Variants in DTNA observed in about 807,000 individuals in gnomAD.
DTNA encodes the protein dystrophin-related protein 3.
DTNA carries 43 observed loss-of-function variants against 100.7 expected under a neutral mutation model. The observed-to-expected ratio is 0.43, with a 90% CI of 0.33 to 0.55. DTNA has a LOEUF of 0.55. Ranked by LOEUF, DTNA falls within the 20% of genes least tolerant of loss-of-function variation. DTNA has a pLI of 0.04. For missense variants in DTNA, 798 were observed against 953.9 expected (o/e 0.84, Z 2.15); for synonymous variants, 349 against 347.9 (o/e 1.00, Z -0.04).
At chr18:34,585,050 C>T (rs560537494) in intron 1 of DTNA, among the ~76,000 whole-genome samples, 95 of 152,218 alleles carry the variant, frequency 6.2e-4, no homozygotes, top group African/African-American at 2.2e-3. Flanking sequence ...TATTTTCAAA[C>T]ATTTAAGTTC....
intron 1 of DTNA, among the ~76,000 whole-genome samples, chr18:34,668,862 G>C (rs981874931): frequency 2.6e-5 from 4 of 152,020 alleles, no homozygotes; most frequent in African/African-American, 9.7e-5. Context: ...GGTCAATTTT[G>C]GAATAGGTGT....
At position 34,515,243 on chromosome 18, in the gene DTNA, G is replaced by A. The variant is rs1601352636; in HGVS notation, c.-2+21729G>A. Among the ~76,000 whole-genome samples the A allele has an allele frequency of 5.3e-5, 8 of 152,090 alleles. No homozygotes were observed. The South Asian group carries it at 1.5e-3, about 28-fold the overall frequency. ...CTTGTTAGATGGCAAACTCCCTTGA[G>A]TTTTCTTCCCTTGAAGAAAAAACTC... On this transcript the variant is annotated intron_variant, in intron 1 of 19. Transcript: ENST00000283365.
Position 34,749,495 on chromosome 18 carries a change from A to AT in DTNA, c.-1-6476dup, listed in dbSNP as rs144414231. On this transcript the variant is annotated intron_variant, in intron 1 of 22. Transcript: ENST00000444659. Reference sequence around the variant, plus strand: ...AGATTCAGTAGGTCCAGGTATTTGCATTTTTGATTAGGTCTCCAGGCTAGC... The same window carrying AT: ...AGATTCAGTAGGTCCAGGTATTTGCATTTTTTGATTAGGTCTCCAGGCTAGC... Among the ~76,000 whole-genome samples the AT allele has an allele frequency of 6.9e-3, 1,054 of 152,086 alleles. 11 individuals are homozygous for AT. The highest frequency in any genetic ancestry group is 0.025 in the African/African-American group (1,016 of 41,468).
chr18:34,589,058 A>G (rs2049422647), intron 1 of DTNA, among the ~76,000 whole-genome samples: 1 of 151,636 alleles, frequency 6.6e-6, no homozygotes, highest in Non-Finnish European at 1.5e-5. Context: ...GTATATTTGT[A>G]CATACAGCCC....
intron 1 of DTNA, among the ~76,000 whole-genome samples, chr18:34,702,347 G>A (rs763712868): frequency 6.6e-5 from 10 of 152,142 alleles, no homozygotes; most frequent in Non-Finnish European, 1.3e-4. Context: ...GCCAGCTCCC[G>A]AAGCTTTCCT....
chr18:34,747,228 A>G (rs1355098651), intron 1 of DTNA, among the ~76,000 whole-genome samples: 1 of 152,170 alleles, frequency 6.6e-6, no homozygotes, highest in East Asian at 1.9e-4. Flanking sequence ...GCAAAGCAGC[A>G]TAAGAATTCC....
At chr18:34,590,679 G>C (rs749971222) in intron 1 of DTNA, among the ~76,000 whole-genome samples, 28 of 152,150 alleles carry the variant, frequency 1.8e-4, no homozygotes, top group Admixed American at 3.9e-4. Flanking sequence ...ATAAATCAAG[G>C]GTATCTGATT....
intron 1 of DTNA, among the ~76,000 whole-genome samples, chr18:34,676,633 G>A (rs1013900435): frequency 1.3e-5 from 2 of 152,062 alleles, no homozygotes; most frequent in Non-Finnish European, 2.9e-5. Flanking sequence ...TCAGATGTTC[G>A]AGACCAGCCT....
chr18:34,557,672 AG>A (rs545307784), intron 1 of DTNA, among the ~76,000 whole-genome samples: 46 of 151,788 alleles, frequency 3.0e-4, no homozygotes, highest in Middle Eastern at 6.8e-3. Flanking sequence ...CCTCCCAGTT[AG>A]GCTGCTCGGG....
At chr18:34,540,561 A>G (rs2044151715) in intron 1 of DTNA, among the ~76,000 whole-genome samples, 1 of 152,014 alleles carries the variant, frequency 6.6e-6, no homozygotes, top group African/African-American at 2.4e-5. Flanking sequence ...CAACGTACAC[A>G]TTATCATAGT....
intron 1 of DTNA, among the ~76,000 whole-genome samples, chr18:34,550,212 G>C (rs1210601735): frequency 6.6e-6 from 1 of 152,082 alleles, no homozygotes; most frequent in Non-Finnish European, 1.5e-5. Flanking sequence ...ATAAACTAGA[G>C]GGTTTTAGGA....
At chr18:34,664,877 A>C (rs1040129828) in intron 1 of DTNA, among the ~76,000 whole-genome samples, 2 of 151,930 alleles carry the variant, frequency 1.3e-5, no homozygotes, top group Non-Finnish European at 2.9e-5. Context: ...AAGTTTAAAA[A>C]CCTCTGATGT....
At chr18:34,743,692 G>C (rs1403602698) in intron 1 of DTNA, among the ~76,000 whole-genome samples, 1 of 152,030 alleles carries the variant, frequency 6.6e-6, no homozygotes, top group African/African-American at 2.4e-5. Flanking sequence ...AAATATTTTT[G>C]GTACAAATAA....
chr18:34,774,024 A>G (rs946721138), intron 3 of DTNA, among the ~76,000 whole-genome samples: 1 of 152,226 alleles, frequency 6.6e-6, no homozygotes, highest in Non-Finnish European at 1.5e-5. Flanking sequence ...GATGTAACAC[A>G]CAGTGACTTC....
chr18:34,545,318 G>A (rs1430864506), intron 1 of DTNA, among the ~76,000 whole-genome samples: 1 of 152,080 alleles, frequency 6.6e-6, no homozygotes, highest in South Asian at 2.1e-4. Context: ...AGGAACCTCT[G>A]CTGGGTGTTG....
chr18:34,714,780 C>G (rs1033169423), intron 1 of DTNA, among the ~76,000 whole-genome samples: 1 of 152,090 alleles, frequency 6.6e-6, no homozygotes, highest in Admixed American at 6.5e-5. Context: ...TGGCATTATT[C>G]ACGATAGCAA....
intron 11 of DTNA, 117 bp downstream of exon 11, chr18:34,829,606 C>T: frequency 9.1e-7 from 1 of 1,096,872 alleles, no homozygotes; most frequent in South Asian, 2.1e-5. Context: ...AGATAGAGGT[C>T]TTCTGGGGTT....
chr18:34,537,527 A>T (rs1353761419), intron 1 of DTNA, among the ~76,000 whole-genome samples: 1 of 152,032 alleles, frequency 6.6e-6, no homozygotes, highest in Non-Finnish European at 1.5e-5. Flanking sequence ...AGCAAAAAAA[A>T]AAGCACATTT....
In DTNA at chr18:34,656,186, C is replaced by T. The variant is rs1159116685; in HGVS notation, c.-1-99790C>T. 4.6e-5 allele frequency among the ~76,000 whole-genome samples: 7 copies of T among 152,110 alleles called. No individual in the cohort carries two copies. In the East Asian group the frequency reaches 1.3e-3, roughly 29 times the overall value. On this transcript the variant is annotated intron_variant, in intron 1 of 19. Transcript: ENST00000283365. ...TTTATAAAGTTATAGTTATAAGTTG[C>T]TTTTATCTCTTGAATTAGACATGTA... is the stretch of plus-strand genomic sequence containing the variant.
Sources: allele counts gnomAD v4.1 joint callset (sites outside exome capture counted in the v4.1 genomes callset), GRCh38; gene constraint gnomAD v4.1.1; transcripts MANE v1.5; gene names NCBI Gene and HGNC (gene_info 2026-07-23, HGNC 2026-07-21).